SORCS1: variants seen among roughly 807,000 people sequenced by gnomAD.
SORCS1 encodes the protein sortilin related VPS10 domain containing receptor 1.
SORCS1 carries 60 observed loss-of-function variants against 146.1 expected under a neutral mutation model. That is an observed-to-expected ratio of 0.41 (90% CI 0.33 to 0.51). The LOEUF (loss-of-function observed/expected upper bound fraction) is 0.51, where lower values mean the gene tolerates loss of function less well. Ranked by LOEUF, SORCS1 falls within the 20% of genes least tolerant of loss-of-function variation. The pLI, the probability that SORCS1 is intolerant of heterozygous loss-of-function variation, is 0.21. For synonymous variants in SORCS1, 637 were observed against 584.0 expected (o/e 1.09, Z -1.31); for missense variants, 1,352 against 1,487.6 (o/e 0.91, Z 1.50).
chr10:107,029,561 T>C (rs890917636), intron 1 of SORCS1, among the ~76,000 whole-genome samples: 4 of 152,216 alleles, frequency 2.6e-5, no homozygotes, highest in African/African-American at 9.6e-5. Context: ...GAGAGCCACT[T>C]CATTTTAATC....
intron 1 of SORCS1, among the ~76,000 whole-genome samples, chr10:106,976,526 T>A (rs1956030035): frequency 6.6e-6 from 1 of 151,916 alleles, no homozygotes; most frequent in Non-Finnish European, 1.5e-5. Context: ...AGAGATGGGG[T>A]TTCACCGTGT....
At chr10:107,014,416 G>A (rs1018627650) in intron 1 of SORCS1, among the ~76,000 whole-genome samples, 3 of 152,072 alleles carry the variant, frequency 2.0e-5, no homozygotes, top group Non-Finnish European at 4.4e-5. Context: ...CCATTTTTGT[G>A]GATACTTTAG....
intron 1 of SORCS1, among the ~76,000 whole-genome samples, chr10:106,985,429 A>G (rs1023303409): frequency 6.6e-6 from 1 of 152,146 alleles, no homozygotes; most frequent in African/African-American, 2.4e-5. Context: ...GGCACTCTAA[A>G]TGCCTTGAAG....
intron 18 of SORCS1, among the ~76,000 whole-genome samples, chr10:106,644,567 G>C (rs187997286): frequency 6.6e-4 from 100 of 152,122 alleles, no homozygotes; most frequent in African/African-American, 2.2e-3. Context: ...GGGTTTCACT[G>C]TGATGGCTAG....
intron 1 of SORCS1, among the ~76,000 whole-genome samples, chr10:107,087,541 T>G (rs765251051): frequency 1.3e-4 from 20 of 152,244 alleles, no homozygotes; most frequent in Non-Finnish European, 2.2e-4. Context: ...TACCATATCT[T>G]GAGTCATTGT....
intron 5 of SORCS1, among the ~76,000 whole-genome samples, chr10:106,739,582 G>A (rs191499532): frequency 3.9e-5 from 6 of 152,226 alleles, no homozygotes; most frequent in Admixed American, 1.3e-4. Context: ...GCCGAGGCAG[G>A]TGGATCACGA....
intron 23 of SORCS1, among the ~76,000 whole-genome samples, chr10:106,601,120 C>T (rs1037060271): frequency 6.6e-6 from 1 of 152,184 alleles, no homozygotes; most frequent in Non-Finnish European, 1.5e-5. Flanking sequence ...GTAGAATAAA[C>T]TGCATTCTAC....
intron 22 of SORCS1, among the ~76,000 whole-genome samples, chr10:106,610,301 C>A (rs1240415545): frequency 1.3e-5 from 2 of 152,016 alleles, no homozygotes; most frequent in Non-Finnish European, 2.9e-5. Flanking sequence ...GATGGTTTGA[C>A]TCCAGAATCT....
intron 2 of SORCS1, among the ~76,000 whole-genome samples, chr10:106,857,196 G>A (rs1321102594): frequency 6.6e-5 from 10 of 152,170 alleles, no homozygotes; most frequent in Non-Finnish European, 1.0e-4. Context: ...GTGAATGAAT[G>A]CCTAATGGGC....
At chr10:107,067,833 G>T (rs1962027656) in intron 1 of SORCS1, among the ~76,000 whole-genome samples, 1 of 152,054 alleles carries the variant, frequency 6.6e-6, no homozygotes, top group Non-Finnish European at 1.5e-5. Context: ...ATTGTTGTGA[G>T]GATTACATAT....
At chr10:106,596,354 T>C (rs531570929) in intron 24 of SORCS1, among the ~76,000 whole-genome samples, 4 of 152,310 alleles carry the variant, frequency 2.6e-5, no homozygotes, top group South Asian at 2.1e-4. Context: ...AGCATGGTAC[T>C]CTGCAAAAAT....
At chr10:106,724,117 T>A (rs1356777718) in intron 6 of SORCS1, among the ~76,000 whole-genome samples, 1 of 152,204 alleles carries the variant, frequency 6.6e-6, no homozygotes, top group Non-Finnish European at 1.5e-5. Flanking sequence ...TTCTGTGATT[T>A]CTATTGCAAC....
chr10:107,121,270 C>G (rs926441569), intron 1 of SORCS1, among the ~76,000 whole-genome samples: 3 of 152,126 alleles, frequency 2.0e-5, no homozygotes, highest in African/African-American at 4.8e-5. Context: ...CCCTCTCTGT[C>G]AATCCTGAGA....
intron 1 of SORCS1, among the ~76,000 whole-genome samples, chr10:107,152,437 G>A (rs770622951): frequency 2.0e-5 from 3 of 152,172 alleles, no homozygotes; most frequent in Non-Finnish European, 2.9e-5. Flanking sequence ...CCGACAACTT[G>A]TTCCATGCAT....
intron 3 of SORCS1, among the ~76,000 whole-genome samples, chr10:106,790,524 C>T (rs1406069851): frequency 6.6e-6 from 1 of 152,158 alleles, no homozygotes; most frequent in Non-Finnish European, 1.5e-5. Context: ...CCAAGCTTCT[C>T]ATTGTCAGGA....
At chr10:106,734,467 T>C (rs1856813414) in intron 5 of SORCS1, among the ~76,000 whole-genome samples, 1 of 152,220 alleles carries the variant, frequency 6.6e-6, no homozygotes, top group Admixed American at 6.5e-5. Flanking sequence ...TGGTGACTCA[T>C]TTGTCAATCT....
At chr10:106,867,463 T>C (rs1368012611) in intron 2 of SORCS1, among the ~76,000 whole-genome samples, 1 of 152,068 alleles carries the variant, frequency 6.6e-6, no homozygotes, top group Non-Finnish European at 1.5e-5. Flanking sequence ...TTCTGGTATT[T>C]TTAGTAGAGA....
At chr10:107,036,885 G>A (rs1030812818) in intron 1 of SORCS1, among the ~76,000 whole-genome samples, 5 of 152,132 alleles carry the variant, frequency 3.3e-5, no homozygotes, top group Non-Finnish European at 7.3e-5. Flanking sequence ...CCTCCTTATC[G>A]TTCAGGCTTC....
chr10:107,165,702 T>G (rs142041470), upstream of SORCS1, among the ~76,000 whole-genome samples: 68 of 152,340 alleles, frequency 4.5e-4, no homozygotes, highest in Non-Finnish European at 8.4e-4. The surrounding 1 kb of genome is among the most constrained non-coding windows in gnomAD (Gnocchi z 4.0). Flanking sequence ...TTATAGTTAT[T>G]CTGTGTCACT....
Sources: gnomAD v4.1 joint callset for allele counts (sites outside exome capture counted in the v4.1 genomes callset) on GRCh38, gnomAD v4.1.1 for gene constraint, Gnocchi (gnomAD v3.1) non-coding constraint, MANE v1.5 for transcripts, NCBI Gene and HGNC (gene_info 2026-07-23, HGNC 2026-07-21) for gene names.